KIF26B: variants seen among roughly 807,000 people sequenced by gnomAD.
KIF26B encodes the protein kinesin-like protein KIF26B.
In KIF26B, 63 loss-of-function variants were observed where a neutral mutation model predicts 151.2. The ratio of observed to expected loss-of-function variants is 0.42; its 90% CI spans 0.34 to 0.51. The LOEUF (loss-of-function observed/expected upper bound fraction) is 0.51, where lower values mean the gene tolerates loss of function less well. Ranked by LOEUF, KIF26B falls within the 20% of genes least tolerant of loss-of-function variation. The pLI, the probability that KIF26B is intolerant of heterozygous loss-of-function variation, is 0.07. For missense variants in KIF26B, 2,813 were observed against 2,913.6 expected (o/e 0.97, Z 0.79); for synonymous variants, 1,357 against 1,262.1 (o/e 1.08, Z -1.59).
intron 4 of KIF26B, among the ~76,000 whole-genome samples, chr1:245,527,602 C>A (rs552635310): frequency 2.4e-5 from 3 of 123,426 alleles, no homozygotes; most frequent in Non-Finnish European, 4.7e-5. Flanking sequence ...GGCGTGATCT[C>A]GGCTCACTGC....
At chr1:245,251,156 C>T (rs1670436695) in intron 2 of KIF26B, among the ~76,000 whole-genome samples, 1 of 152,134 alleles carries the variant, frequency 6.6e-6, no homozygotes, top group African/African-American at 2.4e-5. Flanking sequence ...TATAGGCAAC[C>T]TCTCTGCCTT....
intron 4 of KIF26B, among the ~76,000 whole-genome samples, chr1:245,472,845 A>G (rs1659945032): frequency 6.6e-6 from 1 of 152,230 alleles, no homozygotes; most frequent in Admixed American, 6.5e-5. Flanking sequence ...TGCTACTGAA[A>G]TGATCATTTA....
intron 2 of KIF26B, among the ~76,000 whole-genome samples, chr1:245,168,935 A>G (rs952685328): frequency 2.6e-5 from 4 of 152,166 alleles, no homozygotes; most frequent in African/African-American, 4.8e-5. Context: ...TAAAATATCT[A>G]CTTCCTGGGG....
intron 5 of KIF26B, among the ~76,000 whole-genome samples, chr1:245,593,319 C>A (rs905335471): frequency 1.3e-4 from 20 of 152,278 alleles, no homozygotes; most frequent in African/African-American, 4.6e-4. Context: ...TATCCCTCCC[C>A]TAGCTCCCCA....
intron 5 of KIF26B, among the ~76,000 whole-genome samples, chr1:245,593,226 G>C (rs955487301): frequency 1.3e-5 from 2 of 152,052 alleles, no homozygotes; most frequent in African/African-American, 4.8e-5. Flanking sequence ...GAATGTGCAG[G>C]TTTGTTACAT....
chr1:245,532,469 T>A (rs1348140190), intron 4 of KIF26B, among the ~76,000 whole-genome samples: 1 of 151,904 alleles, frequency 6.6e-6, no homozygotes. Context: ...ATGGTCTCGA[T>A]CTCCCGACCT....
At chr1:245,162,375 C>CTTTTTTTTTTTTTT (rs138853411) in intron 2 of KIF26B, among the ~76,000 whole-genome samples, 1 of 76,492 alleles carries the variant, frequency 1.3e-5, no homozygotes, top group African/African-American at 5.1e-5. Context: ...TCAGAAATAT[C>CTTTTTTTTTTTTTT]TTTTTTTTTT....
intron 9 of KIF26B, among the ~76,000 whole-genome samples, chr1:245,623,581 A>C (rs1405348395): frequency 6.6e-6 from 1 of 152,212 alleles, no homozygotes; most frequent in Non-Finnish European, 1.5e-5. Context: ...TCGAAATCCG[A>C]GATGCTCCAA....
At chr1:245,648,452 T>C (rs2043977270) in intron 10 of KIF26B, among the ~76,000 whole-genome samples, 1 of 151,704 alleles carries the variant, frequency 6.6e-6, no homozygotes, top group Non-Finnish European at 1.5e-5. Context: ...CTGGGCAGCA[T>C]GGCAAAAACC....
intron 4 of KIF26B, among the ~76,000 whole-genome samples, chr1:245,486,397 A>G (rs1006245189): frequency 1.4e-4 from 4 of 27,758 alleles, no homozygotes; most frequent in Non-Finnish European, 5.3e-4. Context: ...TAAGGGAGGA[A>G]AAAAAAAAGA....
intron 4 of KIF26B, among the ~76,000 whole-genome samples, chr1:245,521,938 C>T (rs571924668): frequency 6.0e-5 from 9 of 150,216 alleles, no homozygotes; most frequent in Admixed American, 2.7e-4. Flanking sequence ...GGTGCGATCT[C>T]GGCTCACTGC....
chr1:245,626,130 T>C (rs375113490), intron 9 of KIF26B, among the ~76,000 whole-genome samples: 25 of 152,330 alleles, frequency 1.6e-4, no homozygotes, highest in East Asian at 5.8e-4. Flanking sequence ...CATCCATCCA[T>C]TGTTGGACAC....
At chr1:245,556,744 A>G (rs1558213438) in intron 5 of KIF26B, among the ~76,000 whole-genome samples, 1 of 152,142 alleles carries the variant, frequency 6.6e-6, no homozygotes, top group East Asian at 1.9e-4. Flanking sequence ...TCTCTGTATC[A>G]TCAAGAATGG....
At position 245,597,539 on chromosome 1, in the gene KIF26B, C is replaced by T. The variant is rs556975620; in HGVS notation, c.1351-5038C>T. 5.9e-5 allele frequency among the ~76,000 whole-genome samples: 9 copies of T among 152,260 alleles called. No homozygotes were observed. The highest frequency in any genetic ancestry group is 2.2e-4 in the African/African-American group (9 of 41,548). On this transcript the variant is annotated intron_variant, in intron 5 of 14. Transcript: ENST00000407071. The surrounding 1 kb of genome is among the most constrained non-coding windows in gnomAD (Gnocchi z 4.6). The stretch of plus-strand genomic sequence containing the variant: ...GGGCTTCCCTTTGTGGGTAACCTGA[C>T]CTTTCTCTCTAGTGCCCATAACATT...
chr1:245,489,444 C>G lies in KIF26B; in HGVS notation c.1167-51323C>G, dbSNP rs2103073074. 1.3e-5 allele frequency among the ~76,000 whole-genome samples: 2 copies of G among 152,312 alleles called. 1 individual carries two copies. The highest frequency in any genetic ancestry group is 2.9e-5 in the Non-Finnish European group (2 of 68,022). On this transcript the variant is annotated intron_variant, in intron 4 of 14. Transcript: ENST00000407071. ...CACAGTCAAGTCCTGGGGTACAAGT[C>G]TAAGAGGCGTCAGCCACACAAGAGG...
chr1:245,227,907 C>T lies in KIF26B; in HGVS notation c.465+71224C>T, dbSNP rs1280761816. On this transcript the variant is annotated intron_variant, in intron 2 of 14. Transcript: ENST00000407071. This position sits in a 1 kb window ranked among gnomAD's most constrained non-coding sequence, Gnocchi z 4.1. Reference sequence around the variant, plus strand: ...ATCCCAGCTACTTAGGAGGCTGAGGCAGGAGAATCGCTTGAACCCGGGAGG... The same window carrying T: ...ATCCCAGCTACTTAGGAGGCTGAGGTAGGAGAATCGCTTGAACCCGGGAGG... Among the ~76,000 whole-genome samples, 2 of 152,126 alleles carry T rather than the reference C, an allele frequency of 1.3e-5. No individual in the cohort carries two copies. The highest frequency in any genetic ancestry group is 2.9e-5 in the Non-Finnish European group (2 of 68,018).
chr1:245,262,226 G>A (rs372651562), intron 2 of KIF26B, among the ~76,000 whole-genome samples: 3 of 152,094 alleles, frequency 2.0e-5, no homozygotes, highest in South Asian at 2.1e-4. Context: ...GCAACTGTCC[G>A]GCTGATGGAA....
In KIF26B at chr1:245,352,885, G is replaced by A. The variant is rs1672601787; in HGVS notation, c.466-13949G>A. ...GGGCGTGGGTGGGTGTGTAGAGTAG[G>A]GAAAAGGTGAGAAGTGGCTCTCTTG... On this transcript the variant is annotated intron_variant, in intron 2 of 14. Coordinates refer to ENST00000407071, the MANE Select transcript of KIF26B (RefSeq NM_018012.4). This position sits in a 1 kb window ranked among gnomAD's most constrained non-coding sequence, Gnocchi z 5.0. Among the ~76,000 whole-genome samples, 1 of 151,914 alleles carries A rather than the reference G, an allele frequency of 6.6e-6. No homozygotes were observed. Among genetic ancestry groups the A allele is most frequent in the Non-Finnish European group, 1.5e-5 (1 of 68,000 alleles).
intron 4 of KIF26B, among the ~76,000 whole-genome samples, chr1:245,502,000 G>A (rs145084415): frequency 2.6e-5 from 4 of 152,230 alleles, no homozygotes; most frequent in Admixed American, 6.5e-5. Context: ...CAATGAAGGC[G>A]GCGTGCACTT....
Sources: allele counts gnomAD v4.1 joint callset (sites outside exome capture counted in the v4.1 genomes callset), GRCh38; gene constraint gnomAD v4.1.1; non-coding constraint Gnocchi (gnomAD v3.1); transcripts MANE v1.5; gene names NCBI Gene and HGNC (gene_info 2026-07-23, HGNC 2026-07-21).